The following PACSIN2 variants were observed in gnomAD, a reference collection of about 807,000 sequenced individuals.
The protein encoded by PACSIN2 is protein kinase C and casein kinase substrate in neurons protein 2.
PACSIN2 carries 25 observed loss-of-function variants against 63.8 expected under a neutral mutation model. That is an observed-to-expected ratio of 0.39 (90% CI 0.29 to 0.55). PACSIN2 has a LOEUF of 0.55. Ranked by LOEUF, PACSIN2 falls within the 20% of genes least tolerant of loss-of-function variation. PACSIN2 has a pLI of 0.62. For synonymous variants in PACSIN2, 255 were observed against 256.2 expected (o/e 1.00, Z 0.05); for missense variants, 518 against 646.9 (o/e 0.80, Z 2.16).
chr22:42,875,401 G>A (rs1418401672), intron 10 of PACSIN2, among the ~76,000 whole-genome samples: 4 of 152,200 alleles, frequency 2.6e-5, no homozygotes, highest in African/African-American at 4.8e-5. Context: ...ACAGGGTCTC[G>A]CTCTGTTGTC....
At chr22:42,889,312 A>G (rs536942168) in intron 4 of PACSIN2, among the ~76,000 whole-genome samples, 8 of 151,262 alleles carry the variant, frequency 5.3e-5, no homozygotes, top group Non-Finnish European at 1.0e-4. Context: ...CCAGCATGAG[A>G]GAGAGGACCA....
At chr22:42,944,731 T>G (rs941493517) in intron 1 of PACSIN2, among the ~76,000 whole-genome samples, 1 of 152,186 alleles carries the variant, frequency 6.6e-6, no homozygotes, top group Non-Finnish European at 1.5e-5. Flanking sequence ...AGGTGAGCTA[T>G]TTTCCATCCG....
At chr22:42,872,022 AC>A (rs1254404937) in intron 10 of PACSIN2, among the ~76,000 whole-genome samples, 2 of 152,034 alleles carry the variant, frequency 1.3e-5, no homozygotes, top group Admixed American at 6.5e-5. Context: ...CCATGTGTCA[AC>A]CCTTCCTGAG....
chr22:42,898,688 T>G (rs1930464781), intron 2 of PACSIN2, among the ~76,000 whole-genome samples: 2 of 152,050 alleles, frequency 1.3e-5, no homozygotes, highest in South Asian at 4.2e-4. Flanking sequence ...CCCTTCCCCA[T>G]GCCCTTCCCC....
chr22:42,874,852 C>CTTTTTTT (rs777530387), intron 10 of PACSIN2, among the ~76,000 whole-genome samples: 2 of 128,212 alleles, frequency 1.6e-5, no homozygotes, highest in Admixed American at 1.6e-4. Flanking sequence ...TGGGCATCCG[C>CTTTTTTT]TTTTTTTTTT....
chr22:42,990,950 T>C (rs1484583066), intron 1 of PACSIN2, among the ~76,000 whole-genome samples: 2 of 152,188 alleles, frequency 1.3e-5, no homozygotes, highest in Non-Finnish European at 2.9e-5. Flanking sequence ...CTCAGTTTCC[T>C]CATCTGTAAA....
intron 1 of PACSIN2, among the ~76,000 whole-genome samples, chr22:42,952,304 G>T (rs1933728983): frequency 6.6e-6 from 1 of 151,972 alleles, no homozygotes; most frequent in Admixed American, 6.6e-5. Flanking sequence ...TCCTGTTGAA[G>T]AAATTTATTT....
At chr22:42,988,123 C>T (rs1445245989) in intron 1 of PACSIN2, among the ~76,000 whole-genome samples, 3 of 152,070 alleles carry the variant, frequency 2.0e-5, no homozygotes, top group South Asian at 4.1e-4. Flanking sequence ...GGCAACATAA[C>T]GAGACTGTGG....
rs554104649 is a variant in PACSIN2 at position 43,008,091 on chromosome 22, C to T, written c.-78+6930G>A. 1.2e-3 allele frequency among the ~76,000 whole-genome samples: 185 copies of T among 152,366 alleles called. 1 individual carries two copies. Among genetic ancestry groups the T allele is most frequent in the Non-Finnish European group, 2.4e-3 (162 of 68,036 alleles). ...CACACTCCACATTGAGTGATGCCTG[C>T]TGTGTGCAGTACTATCAGCTTCCAT... is the stretch of plus-strand genomic sequence containing the variant. On this transcript the variant is annotated intron_variant, in intron 1 of 10. Transcript: ENST00000263246.
intron 1 of PACSIN2, among the ~76,000 whole-genome samples, chr22:43,002,859 T>G (rs1923852865): frequency 1.3e-5 from 2 of 152,252 alleles, no homozygotes; most frequent in African/African-American, 4.8e-5. Context: ...ATAATCTTTT[T>G]GAAGATGAAG....
At chr22:43,002,259 C>T (rs1277543222) in intron 1 of PACSIN2, 2 of 152,154 alleles carry the variant, frequency 1.3e-5, no homozygotes, top group Non-Finnish European at 2.9e-5. Flanking sequence ...TTCCAATATG[C>T]ATCCCTTAAG....
intron 1 of PACSIN2, among the ~76,000 whole-genome samples, chr22:42,937,449 G>C (rs183907499): frequency 6.6e-6 from 1 of 152,112 alleles, no homozygotes; most frequent in Non-Finnish European, 1.5e-5. Flanking sequence ...GGGCACCGAA[G>C]ACAAAACAAA....
At position 42,911,421 on chromosome 22, in the gene PACSIN2, A is replaced by C. The variant is rs1368736980; in HGVS notation, c.60+600T>G. Among the ~76,000 whole-genome samples the C allele has an allele frequency of 2.0e-5, 3 of 152,028 alleles. No homozygotes were observed. In the East Asian group the frequency reaches 5.8e-4, roughly 29 times the overall value. On this transcript the variant is annotated intron_variant, in intron 2 of 10. Transcript: ENST00000263246. The stretch of plus-strand genomic sequence containing the variant: ...ACCTCAACTGTTAAAAAAAAAAAAA[A>C]AAAAAAGATGGACTTTCCATTAACT...
intron 1 of PACSIN2, among the ~76,000 whole-genome samples, chr22:43,005,937 G>A (rs1454188509): frequency 6.6e-6 from 1 of 152,088 alleles, no homozygotes; most frequent in East Asian, 1.9e-4. Context: ...CTCATGAATG[G>A]GACTAGTGTC....
intron 1 of PACSIN2, among the ~76,000 whole-genome samples, chr22:42,924,044 T>TA (rs770285503): frequency 0.013 from 1,763 of 136,158 alleles, 29 homozygotes; most frequent in African/African-American, 0.037. Flanking sequence ...CTGGTCTCTT[T>TA]AAAAAAAAAA....
intron 1 of PACSIN2, among the ~76,000 whole-genome samples, chr22:42,984,225 G>A (rs1195125459): frequency 2.0e-5 from 3 of 151,968 alleles, no homozygotes; most frequent in African/African-American, 7.3e-5. Flanking sequence ...GCCTGTCCCA[G>A]CCTCCCACAG....
intron 1 of PACSIN2, among the ~76,000 whole-genome samples, chr22:43,008,518 G>A (rs1420984526): frequency 1.3e-5 from 2 of 152,228 alleles, no homozygotes; most frequent in Non-Finnish European, 2.9e-5. Flanking sequence ...CAAAGTGCTG[G>A]AATTACAGGC....
chr22:42,903,799 C>G (rs1264471153), intron 2 of PACSIN2, among the ~76,000 whole-genome samples: 1 of 152,186 alleles, frequency 6.6e-6, no homozygotes, highest in Non-Finnish European at 1.5e-5. Flanking sequence ...AGCACTAGTC[C>G]TGTCCTTTCC....
chr22:42,940,361 G>A (rs1933097601), intron 1 of PACSIN2, among the ~76,000 whole-genome samples: 1 of 152,316 alleles, frequency 6.6e-6, no homozygotes, highest in Non-Finnish European at 1.5e-5. Context: ...AATCTCAGAC[G>A]CTGTGCAAAG....
Sources: allele counts gnomAD v4.1 joint callset (sites outside exome capture counted in the v4.1 genomes callset), GRCh38; gene constraint gnomAD v4.1.1; transcripts MANE v1.5; gene names NCBI Gene and HGNC (gene_info 2026-07-23, HGNC 2026-07-21).